The following PALS2 variants were observed in gnomAD, a reference collection of about 807,000 sequenced individuals.
PALS2 encodes protein PALS2.
Under a neutral mutation model 61.6 loss-of-function variants are expected in PALS2, and 27 were observed. The ratio of observed to expected loss-of-function variants is 0.44; its 90% confidence interval spans 0.32 to 0.60. The LOEUF (loss-of-function observed/expected upper bound fraction) is 0.60. Ranked by LOEUF, PALS2 falls within the 20% of genes least tolerant of loss-of-function variation. The pLI, the probability that PALS2 is intolerant of heterozygous loss-of-function variation, is 0.05. For synonymous variants in PALS2, 236 were observed against 218.6 expected, an observed-to-expected ratio of 1.08 and a Z score of -0.70; for missense variants, 554 against 639.4, an observed-to-expected ratio of 0.87 and a Z score of 1.44.
intron 2 of PALS2, among the ~76,000 whole-genome samples, chr7:24,641,276 T>A (rs915021469): frequency 3.9e-5 from 6 of 152,072 alleles, no homozygotes; most frequent in African/African-American, 1.4e-4. Context: ...TTTATCATTT[T>A]AAAAAATATT....
At chr7:24,679,101 G>T (rs777724404) in intron 9 of PALS2, 30 bp from the exon 10 acceptor site, 2 of 1,599,378 alleles carry the variant, frequency 1.3e-6, no homozygotes, top group Non-Finnish European at 1.7e-6. Flanking sequence ...AAATTTCTTT[G>T]TACAAAAATC....
intron 1 of PALS2, among the ~76,000 whole-genome samples, chr7:24,604,595 C>T (rs1783831896): frequency 6.6e-6 from 1 of 152,140 alleles, no homozygotes; most frequent in Non-Finnish European, 1.5e-5. Flanking sequence ...CCCAAACCAT[C>T]TCAAAGTTTT....
At chr7:24,576,318 C>T (rs960167764) in intron 1 of PALS2, among the ~76,000 whole-genome samples, 5 of 152,092 alleles carry the variant, frequency 3.3e-5, no homozygotes, top group African/African-American at 1.2e-4. Context: ...AATGATTTTC[C>T]TCCTTTTCTG....
intron 2 of PALS2, among the ~76,000 whole-genome samples, chr7:24,635,024 T>C (rs1447419671): frequency 2.0e-5 from 3 of 152,216 alleles, no homozygotes; most frequent in African/African-American, 7.2e-5. Flanking sequence ...CATTTTGTTC[T>C]TTTTCAGGAT....
chr7:24,673,431 T>C (rs1562657952), intron 9 of PALS2, among the ~76,000 whole-genome samples: 1 of 152,194 alleles, frequency 6.6e-6, no homozygotes. Context: ...TGTGAAGTAT[T>C]CTTTCCTCTT....
chr7:24,618,325 A>G lies in PALS2; in HGVS notation c.-2-5341A>G, dbSNP rs1372092308. Among the ~76,000 whole-genome samples, 3 of 152,218 alleles carry G rather than the reference A, an allele frequency of 2.0e-5. No individual in the cohort carries two copies. Among genetic ancestry groups the G allele is most frequent in the Non-Finnish European group, 2.9e-5 (2 of 68,036 alleles). On this transcript the variant is annotated intron_variant, in intron 1 of 11. Coordinates refer to ENST00000222644, the MANE Select transcript of PALS2 (RefSeq NM_001303037.2). The surrounding 1 kb of genome is among the most constrained non-coding windows in gnomAD (Gnocchi z 5.1). ...ATTGGTTTCCTTGCTCTGCAGGACC[A>G]GAGCCACAGCAGATCCTGTGCTCAG... is the stretch of plus-strand genomic sequence containing the variant.
At chr7:24,600,099 G>A (rs1354651647) in intron 1 of PALS2, among the ~76,000 whole-genome samples, 1 of 152,090 alleles carries the variant, frequency 6.6e-6, no homozygotes, top group African/African-American at 2.4e-5. Flanking sequence ...CCTTGGGTTT[G>A]TTTCTGTTTT....
chr7:24,650,386 T>A, intron 4 of PALS2, 99 bp from the exon 5 acceptor site: 1 of 984,616 alleles, frequency 1.0e-6, no homozygotes, highest in Non-Finnish European at 1.5e-6. Context: ...GAATGATTCA[T>A]TTTACCTAGT....
At chr7:24,654,565 AAAAT>A (rs1786320157) in intron 5 of PALS2, among the ~76,000 whole-genome samples, 1 of 152,132 alleles carries the variant, frequency 6.6e-6, no homozygotes, top group South Asian at 2.1e-4. Context: ...ATTAACCAAA[AAAAT>A]TCAAGACCTC....
intron 10 of PALS2, 120 bp from the exon 11 acceptor site, chr7:24,680,272 A>G (rs575502753): frequency 9.3e-6 from 9 of 965,440 alleles, no homozygotes; most frequent in Middle Eastern, 4.6e-4. Context: ...AGGGATAAGT[A>G]TTAAGTTATG....
At chr7:24,673,653 T>G (rs1442027839) in intron 9 of PALS2, among the ~76,000 whole-genome samples, 2 of 152,104 alleles carry the variant, frequency 1.3e-5, no homozygotes, top group Non-Finnish European at 2.9e-5. Context: ...TTTCTTTCAT[T>G]TCTGATTTTA....
At position 24,689,015 on chromosome 7, in the gene PALS2, T is replaced by G. The variant is rs1788345747; in HGVS notation, c.*1401T>G. 6.6e-6 allele frequency: 1 copy of G among 152,164 alleles called. No homozygotes were observed. The highest frequency in any genetic ancestry group is 1.9e-4 in the East Asian group (1 of 5,182). The allele number at this position is 152,164 out of a possible 1,614,324, so 9.4% of individuals were successfully genotyped here. ...TTTTAGTACAGATGGGGTTTCACCA[T>G]GTTGGCCAGGGTGGTCTCGAGCTCC... On this transcript the variant is annotated 3_prime_UTR_variant, in exon 12 of 12. Transcript: ENST00000222644.
intron 2 of PALS2, among the ~76,000 whole-genome samples, chr7:24,634,422 G>C (rs1033139015): frequency 3.3e-5 from 5 of 152,018 alleles, no homozygotes; most frequent in African/African-American, 1.2e-4. Context: ...AGTAGAAACG[G>C]GGTTTCACCG....
intron 2 of PALS2, among the ~76,000 whole-genome samples, chr7:24,625,920 A>G (rs80211122): frequency 0.016 from 2,456 of 152,224 alleles, 81 homozygotes; most frequent in African/African-American, 0.057. Context: ...AAGAAATAGT[A>G]AGTCACAGCA....
chr7:24,582,331 T>G (rs952365617), intron 1 of PALS2, among the ~76,000 whole-genome samples: 5 of 152,238 alleles, frequency 3.3e-5, no homozygotes, highest in Admixed American at 6.5e-5. Context: ...TTGGGAATAC[T>G]AATTCTAGTC....
chr7:24,661,199 T>TA (rs1400633041), intron 5 of PALS2, among the ~76,000 whole-genome samples: 6 of 152,184 alleles, frequency 3.9e-5, no homozygotes, highest in Non-Finnish European at 5.9e-5. Context: ...TTAATGGTTT[T>TA]AGAGTCATTA....
At chr7:24,619,987 A>G (rs1273971528) in intron 1 of PALS2, 1 of 152,098 alleles carries the variant, frequency 6.6e-6, no homozygotes, top group African/African-American at 2.4e-5. Context: ...TACATATACT[A>G]GAGTTGTCTT....
chr7:24,659,387 A>G (rs567201091), intron 5 of PALS2, among the ~76,000 whole-genome samples: 1 of 152,326 alleles, frequency 6.6e-6, no homozygotes, highest in Non-Finnish European at 1.5e-5. Context: ...GCTGGGTCAA[A>G]TGATAGTTCC....
intron 1 of PALS2, among the ~76,000 whole-genome samples, chr7:24,613,651 G>C (rs797000235): frequency 1.3e-5 from 2 of 151,630 alleles, no homozygotes; most frequent in South Asian, 4.2e-4. Context: ...TGTCAACTAT[G>C]GTCACCTTAT....
Sources: gnomAD v4.1 joint callset for allele counts (sites outside exome capture counted in the v4.1 genomes callset) on GRCh38, gnomAD v4.1.1 for gene constraint, Gnocchi (gnomAD v3.1) non-coding constraint, MANE v1.5 for transcripts, NCBI Gene and HGNC (gene_info 2026-07-23, HGNC 2026-07-21) for gene names.